Variants in PRDM5 observed in about 807,000 individuals in gnomAD.
PRDM5 encodes the protein PR domain zinc finger protein 5.
In PRDM5, 56 loss-of-function variants were observed where a neutral mutation model predicts 81.2. The observed-to-expected ratio is 0.69, with a 90% CI of 0.56 to 0.86. PRDM5 has a LOEUF of 0.86. Among genes scored for constraint, PRDM5 ranks in the 40% least tolerant of loss-of-function variants. The pLI, the probability that PRDM5 is intolerant of heterozygous loss-of-function variation, is 0.00. For missense variants in PRDM5, 697 were observed against 770.1 expected (o/e 0.91, Z 1.12); for synonymous variants, 267 against 256.4 (o/e 1.04, Z -0.39).
chr4:120,845,232 A>T (rs1758524464), intron 3 of PRDM5, among the ~76,000 whole-genome samples: 1 of 152,244 alleles, frequency 6.6e-6, no homozygotes, highest in South Asian at 2.1e-4. Context: ...TGGCTACACT[A>T]AACAACAGAT....
chr4:120,764,070 C>G (rs532285878), intron 13 of PRDM5, among the ~76,000 whole-genome samples: 71 of 152,038 alleles, frequency 4.7e-4, no homozygotes, highest in African/African-American at 1.7e-3. Context: ...TAGGGGAAAT[C>G]AAATCTCCTT....
intron 1 of PRDM5, among the ~76,000 whole-genome samples, chr4:120,910,014 CTG>C (rs1766316716): frequency 6.6e-6 from 1 of 151,874 alleles, no homozygotes; most frequent in Non-Finnish European, 1.5e-5. Context: ...AAAAAAAACC[CTG>C]TGATACTGTA....
At chr4:120,915,384 C>T (rs1454973033) in intron 1 of PRDM5, among the ~76,000 whole-genome samples, 1 of 152,146 alleles carries the variant, frequency 6.6e-6, no homozygotes, top group African/African-American at 2.4e-5. Flanking sequence ...CTACAGCAAG[C>T]CCCAGACCCA....
chr4:120,814,714 T>C lies in PRDM5; in HGVS notation c.865+1739A>G, dbSNP rs149366989. ...GAGCTGCTTTGCTTGCTATCTCCAA[T>C]AGGGAATATTCTTTCCTCCAATGCC... On this transcript the variant is annotated intron_variant, in intron 7 of 15. Coordinates refer to ENST00000264808, the MANE Select transcript of PRDM5 (RefSeq NM_018699.4). Among the ~76,000 whole-genome samples the C allele has an allele frequency of 2.4e-3, 364 of 152,278 alleles. 1 individual carries two copies. Among genetic ancestry groups the C allele is most frequent in the African/African-American group, 8.4e-3 (350 of 41,570 alleles).
intron 13 of PRDM5, among the ~76,000 whole-genome samples, chr4:120,766,486 G>A (rs1323601246): frequency 6.6e-6 from 1 of 152,148 alleles, no homozygotes; most frequent in African/African-American, 2.4e-5. Flanking sequence ...TAAGTTCTCA[G>A]TTGACCATAG....
chr4:120,734,445 C>CAT (rs1449510873), intron 14 of PRDM5, among the ~76,000 whole-genome samples: 2 of 151,956 alleles, frequency 1.3e-5, no homozygotes, highest in African/African-American at 2.4e-5. Context: ...CACACACACA[C>CAT]ACCCTTACTC....
chr4:120,842,535 C>T (rs578007047), intron 3 of PRDM5, among the ~76,000 whole-genome samples: 1 of 152,226 alleles, frequency 6.6e-6, no homozygotes, highest in South Asian at 2.1e-4. Flanking sequence ...ACAAATGCCA[C>T]TCTTGAGAAA....
At chr4:120,702,378 C>T (rs926049324) in intron 15 of PRDM5, among the ~76,000 whole-genome samples, 2 of 152,186 alleles carry the variant, frequency 1.3e-5, no homozygotes, top group Admixed American at 6.5e-5. Context: ...CTTTACCCAG[C>T]TTACTCCTAC....
At chr4:120,904,850 C>G (rs981160298) in intron 2 of PRDM5, among the ~76,000 whole-genome samples, 3 of 152,032 alleles carry the variant, frequency 2.0e-5, no homozygotes, top group African/African-American at 7.2e-5. Context: ...AAACAAGTAA[C>G]ATAAACTATT....
chr4:120,814,036 C>T (rs1397223217), intron 7 of PRDM5, among the ~76,000 whole-genome samples: 2 of 152,176 alleles, frequency 1.3e-5, no homozygotes, highest in Non-Finnish European at 2.9e-5. Flanking sequence ...TCCTCTTTTT[C>T]ACCCTAGAAG....
chr4:120,909,127 A>G (rs1309536046), intron 1 of PRDM5, among the ~76,000 whole-genome samples: 1 of 152,198 alleles, frequency 6.6e-6, no homozygotes, highest in Non-Finnish European at 1.5e-5. Flanking sequence ...GAATTTAAAT[A>G]GCTTGCTTGA....
At chr4:120,761,270 T>G (rs1745563783) in intron 13 of PRDM5, among the ~76,000 whole-genome samples, 1 of 152,158 alleles carries the variant, frequency 6.6e-6, no homozygotes, top group Non-Finnish European at 1.5e-5. Context: ...AGGGAACATC[T>G]GGATGCCACA....
intron 14 of PRDM5, among the ~76,000 whole-genome samples, chr4:120,740,568 C>T (rs184515295): frequency 3.3e-5 from 5 of 152,270 alleles, no homozygotes; most frequent in Non-Finnish European, 7.4e-5. Context: ...CTATTCTTCA[C>T]CACCTATACT....
Position 120,695,261 on chromosome 4 carries a change from A to C in PRDM5, c.1743T>G (p.Ala581=). The change falls in exon 16 of 16, where the codon GCT becomes GCG. Residue 581 remains alanine, a synonymous_variant. Coordinates refer to ENST00000264808, the MANE Select transcript of PRDM5 (RefSeq NM_018699.4). ...GAATCAGCATTTTCTTCAGGCTAAAAGCCAAATCACAAACCTAGAAAAGAC... is the reference window on the plus strand; with the variant it reads ...GAATCAGCATTTTCTTCAGGCTAAACGCCAAATCACAAACCTAGAAAAGAC... ...KPFQCDVCDL[A]FSLKKMLIRH... 6.2e-7 allele frequency: 1 copy of C among 1,613,416 alleles called. No individual in the cohort carries two copies. Among genetic ancestry groups the C allele is most frequent in the Middle Eastern group, 1.7e-4 (1 of 6,056 alleles).
intron 2 of PRDM5, among the ~76,000 whole-genome samples, chr4:120,903,576 C>A (rs1472414972): frequency 1.3e-5 from 2 of 152,170 alleles, no homozygotes; most frequent in African/African-American, 4.8e-5. Context: ...CTTCCCCTGT[C>A]CAGCTGCACA....
intron 3 of PRDM5, among the ~76,000 whole-genome samples, chr4:120,841,545 T>C (rs914731568): frequency 6.6e-6 from 1 of 152,210 alleles, no homozygotes; most frequent in African/African-American, 2.4e-5. Context: ...TGCCAACCAT[T>C]AAAAAATAGT....
At chr4:120,906,817 T>C (rs1468296199) in intron 2 of PRDM5, among the ~76,000 whole-genome samples, 1 of 152,148 alleles carries the variant, frequency 6.6e-6, no homozygotes, top group Non-Finnish European at 1.5e-5. Flanking sequence ...TCTATACAAT[T>C]AGAACTTCAA....
In PRDM5 at chr4:120,826,312, CCATGTGCTCTGAGGCGCAG is replaced by C. The variant is rs1266932871; in HGVS notation, c.301-4986_301-4968del. Among the ~76,000 whole-genome samples the C allele has an allele frequency of 2.0e-5, 3 of 152,300 alleles. No individual in the cohort carries two copies. In the East Asian group the frequency reaches 5.8e-4, roughly 29 times the overall value. On this transcript the variant is annotated intron_variant, in intron 3 of 15. Transcript: ENST00000264808. ...CACTTGGCCCCTTGCTATAACTCCT[CCATGTGCTCTGAGGCGCAG>C]CTCACTTTCATCCTCCTTCAAGAAA...
downstream of PRDM5, among the ~76,000 whole-genome samples, chr4:120,691,424 C>A (rs569020154): frequency 1.3e-5 from 2 of 152,232 alleles, no homozygotes; most frequent in African/African-American, 4.8e-5. Flanking sequence ...AAATCCACTA[C>A]TCAGATGATT....
Sources: gnomAD v4.1 joint callset for allele counts (sites outside exome capture counted in the v4.1 genomes callset) on GRCh38, gnomAD v4.1.1 for gene constraint, MANE v1.5 for transcripts, NCBI Gene and HGNC (gene_info 2026-07-23, HGNC 2026-07-21) for gene names.